PCNX1: variants seen among roughly 807,000 people sequenced by gnomAD.
The protein encoded by PCNX1 is pecanex 1.
In PCNX1, 78 loss-of-function variants were observed where a neutral mutation model predicts 242.2. That is an observed-to-expected ratio of 0.32 (90% CI 0.27 to 0.39). The LOEUF (loss-of-function observed/expected upper bound fraction) is 0.39, where lower values mean the gene tolerates loss of function less well. Ranked by LOEUF, PCNX1 falls within the 10% of genes least tolerant of loss-of-function variation. PCNX1 has a pLI of 1.00. For missense variants in PCNX1, 2,581 were observed against 2,856.5 expected (o/e 0.90, Z 2.20); for synonymous variants, 1,024 against 1,032.9 (o/e 0.99, Z 0.17).
intron 3 of PCNX1, among the ~76,000 whole-genome samples, chr14:70,963,873 G>A (rs1056615083): frequency 6.6e-6 from 1 of 152,106 alleles, no homozygotes; most frequent in African/African-American, 2.4e-5. Flanking sequence ...TGACCAGGGC[G>A]ACTGTTCTCT....
At chr14:70,974,066 T>G (rs1247528248) in intron 5 of PCNX1, among the ~76,000 whole-genome samples, 3 of 144,776 alleles carry the variant, frequency 2.1e-5, no homozygotes, top group Admixed American at 1.4e-4. Flanking sequence ...TATATGTGGT[T>G]TTTTTTTTTT....
chr14:71,109,089 ATTTGTT>A, intron 34 of PCNX1, 43 bp downstream of exon 34: 1 of 1,443,190 alleles, frequency 6.9e-7, no homozygotes, highest in Non-Finnish European at 9.4e-7. Flanking sequence ...TTTGTTACTT[ATTTGTT>A]TTTATTTCTT....
intron 19 of PCNX1, among the ~76,000 whole-genome samples, chr14:71,041,694 C>T (rs1224868703): frequency 6.6e-6 from 1 of 151,674 alleles, no homozygotes; most frequent in Non-Finnish European, 1.5e-5. Flanking sequence ...TCGTTTATTT[C>T]TGCTCTTACC....
rs2062068636 is a variant in PCNX1 at position 71,089,290 on chromosome 14, T to TG, written c.5538dup (p.Leu1847AlafsTer14). On this transcript the variant is annotated frameshift_variant, in exon 30 of 36. Transcript: ENST00000304743. LOFTEE classifies it high-confidence loss of function. ...GAATGGATCTTTGCTGACATGGAAT[T>TG]GCTAAGAAAAGTAGTAGTCCCTGGG... 6.2e-7 allele frequency: 1 copy of TG among 1,612,748 alleles called. No individual in the cohort carries two copies. Among genetic ancestry groups the TG allele is most frequent in the Non-Finnish European group, 8.5e-7 (1 of 1,179,084 alleles).
chr14:70,944,150 C>G (rs557218948), intron 1 of PCNX1, among the ~76,000 whole-genome samples: 2 of 152,298 alleles, frequency 1.3e-5, no homozygotes. Flanking sequence ...AAGAAGAGGG[C>G]TGCTGTCGTC....
intron 1 of PCNX1, among the ~76,000 whole-genome samples, chr14:70,920,804 AAGG>A (rs1441886675): frequency 2.0e-5 from 3 of 152,160 alleles, no homozygotes; most frequent in African/African-American, 7.2e-5. Context: ...CAGGAATTGG[AAGG>A]AGGATGTAAT....
intron 24 of PCNX1, among the ~76,000 whole-genome samples, chr14:71,052,552 G>T (rs796234024): frequency 4.0e-5 from 6 of 151,154 alleles, no homozygotes; most frequent in African/African-American, 1.5e-4. Context: ...ACATTGTTCT[G>T]ATTGAATATG....
intron 5 of PCNX1, among the ~76,000 whole-genome samples, chr14:70,970,470 A>G (rs1449681453): frequency 6.6e-6 from 1 of 152,216 alleles, no homozygotes; most frequent in Non-Finnish European, 1.5e-5. Flanking sequence ...CAACAACTAG[A>G]TAATAATCTC....
chr14:71,029,358 G>GT (rs1038852018), intron 16 of PCNX1, among the ~76,000 whole-genome samples: 1 of 152,046 alleles, frequency 6.6e-6, no homozygotes, highest in Admixed American at 6.5e-5. Flanking sequence ...GTTTATTTTT[G>GT]TTTTTTGTTT....
At position 71,084,102 on chromosome 14, in the gene PCNX1, C is replaced by T. The variant is rs140030087; in HGVS notation, c.5338-4228C>T. Among the ~76,000 whole-genome samples the T allele has an allele frequency of 9.9e-3, 1,514 of 152,298 alleles. 20 individuals are homozygous for T. Among genetic ancestry groups the T allele is most frequent in the African/African-American group, 0.035 (1,450 of 41,546 alleles). ...GTTTGTTAGTTTTCCTTCTAACAGG[C>T]CCCTCTGCTGCAGGTCTGCTGGAAT... On this transcript the variant is annotated intron_variant, in intron 28 of 35. Transcript: ENST00000304743.
chr14:71,007,032 A>G (rs1295889723), intron 8 of PCNX1, among the ~76,000 whole-genome samples: 1 of 152,144 alleles, frequency 6.6e-6, no homozygotes, highest in Non-Finnish European at 1.5e-5. Flanking sequence ...GAAGTCATGT[A>G]CTTCTGTTAA....
chr14:71,033,594 T>A, intron 17 of PCNX1, 56 bp downstream of exon 17: 1 of 946,532 alleles, frequency 1.1e-6, no homozygotes, highest in South Asian at 1.4e-5. Flanking sequence ...TTGGTGTTTT[T>A]TTCAAATACC....
intron 1 of PCNX1, among the ~76,000 whole-genome samples, chr14:70,921,417 A>G (rs2140091301): frequency 6.6e-6 from 1 of 152,274 alleles, no homozygotes; most frequent in African/African-American, 2.4e-5. Context: ...AGTAGCTAGG[A>G]CTACAGGTGT....
intron 5 of PCNX1, among the ~76,000 whole-genome samples, chr14:70,976,227 G>T (rs1047742334): frequency 7.9e-5 from 12 of 152,318 alleles, no homozygotes; most frequent in Middle Eastern, 6.8e-3. Flanking sequence ...ACTCAGTGAA[G>T]TTGATGTCCC....
intron 29 of PCNX1, among the ~76,000 whole-genome samples, chr14:71,088,716 C>T (rs1315250692): frequency 6.6e-6 from 1 of 152,054 alleles, no homozygotes; most frequent in African/African-American, 2.4e-5. Context: ...TTGGCCTCCT[C>T]CTGTTTACAT....
At chr14:70,953,130 T>A (rs538957658) in intron 2 of PCNX1, among the ~76,000 whole-genome samples, 2 of 152,132 alleles carry the variant, frequency 1.3e-5, no homozygotes, top group Admixed American at 1.3e-4. Context: ...AAAAAAAATT[T>A]TAGCTAGGTA....
intron 1 of PCNX1, among the ~76,000 whole-genome samples, chr14:70,943,653 A>C (rs1204607740): frequency 6.6e-6 from 1 of 152,242 alleles, no homozygotes; most frequent in African/African-American, 2.4e-5. Context: ...ATAAATTTGC[A>C]TAAGTAACGA....
At chr14:71,104,368 T>G (rs2062550788) in intron 32 of PCNX1, among the ~76,000 whole-genome samples, 2 of 151,980 alleles carry the variant, frequency 1.3e-5, no homozygotes, top group Non-Finnish European at 2.9e-5. Flanking sequence ...GAAGGCACAA[T>G]ATAAGTCAGG....
In PCNX1 at chr14:71,109,002, A is replaced by G. The variant is rs1189432743; in HGVS notation, c.6700A>G (p.Asn2234Asp). ...GCCAGGCAACACCTTAAGTCCTGCC[A>G]ACAATTCACACTCCAGAAAGGCAGA... ...AQPGNTLSPA[N>D]NSHSRKAEVI... Residue 2234 changes from asparagine (N) to aspartate (D), a missense_variant, in exon 34 of 36, where the codon AAC (asparagine) becomes GAC (aspartate). Asn to Asp is a conservative substitution (Grantham distance 23). Around this residue, in one of 9 missense-constraint regions of PCNX1, gnomAD observed 432 missense variants for 433.6 expected, o/e 1.00. Coordinates refer to ENST00000304743, the MANE Select transcript of PCNX1 (RefSeq NM_014982.3). 2 of 1,613,930 alleles carry G rather than the reference A, an allele frequency of 1.2e-6. No homozygotes were observed. The highest frequency in any genetic ancestry group is 1.7e-6 in the Non-Finnish European group (2 of 1,179,954).
Sources: gnomAD v4.1 joint callset for allele counts (sites outside exome capture counted in the v4.1 genomes callset) on GRCh38, gnomAD v4.1.1 for gene constraint, gnomAD v4.1.1 regional missense constraint, MANE v1.5 for transcripts, NCBI Gene and HGNC (gene_info 2026-07-23, HGNC 2026-07-21) for gene names.